Variants in TBATA observed in about 807,000 individuals in gnomAD.
TBATA encodes protein TBATA.
A neutral mutation model predicts 38.7 loss-of-function variants in TBATA; 47 were observed. The ratio of observed to expected loss-of-function variants is 1.21; its 90% CI spans 0.96 to 1.55. The LOEUF (loss-of-function observed/expected upper bound fraction) is 1.55, where lower values mean the gene tolerates loss of function less well. TBATA is among the 40% of genes most tolerant of loss of function. The pLI, the probability that TBATA is intolerant of heterozygous loss-of-function variation, is 0.00. For missense variants in TBATA, 436 were observed against 435.6 expected (o/e 1.00, Z -0.01); for synonymous variants, 183 against 170.5 (o/e 1.07, Z -0.57).
chr10:70,785,064 G>T (rs1844707550), intron 1 of TBATA, among the ~76,000 whole-genome samples: 1 of 152,210 alleles, frequency 6.6e-6, no homozygotes. Context: ...AGGCTGACAG[G>T]GACTCTAGTA....
intron 7 of TBATA, among the ~76,000 whole-genome samples, chr10:70,776,083 C>A (rs1221872876): frequency 6.6e-6 from 1 of 152,166 alleles, no homozygotes; most frequent in Non-Finnish European, 1.5e-5. Context: ...AAGGTGGAAG[C>A]CCTGGAGTCC....
intron 7 of TBATA, chr10:70,776,422 G>C (rs1260958729): frequency 1.1e-5 from 5 of 456,128 alleles, no homozygotes; most frequent in Non-Finnish European, 2.2e-5. Context: ...TGGCTATGCT[G>C]CTCCGTCTCA....
At chr10:70,772,019 AC>A (rs1402913295) in intron 10 of TBATA, among the ~76,000 whole-genome samples, 1 of 151,760 alleles carries the variant, frequency 6.6e-6, no homozygotes, top group Non-Finnish European at 1.5e-5. Flanking sequence ...ACTGTCCCCC[AC>A]CCAGAAGGCC....
chr10:70,780,660 A>C (rs536299324), intron 4 of TBATA, among the ~76,000 whole-genome samples: 9 of 152,116 alleles, frequency 5.9e-5, no homozygotes, highest in African/African-American at 2.2e-4. Flanking sequence ...TCTAGAAAGC[A>C]TCTCGCATCA....
intron 5 of TBATA, 47 bp downstream of exon 5, chr10:70,779,546 A>G: frequency 7.0e-7 from 1 of 1,438,374 alleles, no homozygotes; most frequent in Non-Finnish European, 9.1e-7. Context: ...AGCCTTGGGG[A>G]GAGGCATGAG....
At chr10:70,782,681 C>T (rs1328031847) in intron 3 of TBATA, 2 of 982,502 alleles carry the variant, frequency 2.0e-6, no homozygotes, top group Non-Finnish European at 2.4e-6. Flanking sequence ...GGAGACAAGC[C>T]AGCTTGGGTC....
intron 4 of TBATA, among the ~76,000 whole-genome samples, chr10:70,780,367 T>C (rs1207997553): frequency 1.3e-5 from 2 of 152,026 alleles, no homozygotes; most frequent in Non-Finnish European, 2.9e-5. Context: ...AGGGCTGCTG[T>C]CTCCTCCCTG....
chr10:70,773,651 G>T (rs954553241), intron 9 of TBATA, among the ~76,000 whole-genome samples: 1 of 152,174 alleles, frequency 6.6e-6, no homozygotes. Context: ...CTGAGCCTCA[G>T]TTTTCCCATC....
chr10:70,775,958 CAGTT>C (rs1843337711), intron 7 of TBATA, among the ~76,000 whole-genome samples: 1 of 152,222 alleles, frequency 6.6e-6, no homozygotes, highest in African/African-American at 2.4e-5. Context: ...GTTCTCCAGT[CAGTT>C]AGCATCAGGA....
chr10:70,783,184 C>T (rs1318531651), intron 3 of TBATA, among the ~76,000 whole-genome samples, 155 bp downstream of exon 3: 3 of 152,204 alleles, frequency 2.0e-5, no homozygotes, highest in East Asian at 3.9e-4. Context: ...CCTGAGGACC[C>T]ATTGGGGGGT....
chr10:70,779,539 C>T (rs967088832), intron 5 of TBATA, 54 bp downstream of exon 5: 4 of 1,437,712 alleles, frequency 2.8e-6, no homozygotes, highest in Non-Finnish European at 3.6e-6. Context: ...GTGAGGCAGC[C>T]TTGGGGAGAG....
At chr10:70,782,433 C>T (rs1844352904) in intron 3 of TBATA, 1 of 1,296,094 alleles carries the variant, frequency 7.7e-7, no homozygotes, top group Non-Finnish European at 1.0e-6. Flanking sequence ...ACAGGGGCCT[C>T]TCCCCAAGCC....
chr10:70,782,879 G>A (rs1033504811), intron 3 of TBATA, among the ~76,000 whole-genome samples: 2 of 152,222 alleles, frequency 1.3e-5, no homozygotes, highest in African/African-American at 2.4e-5. Flanking sequence ...GAGTACAGAT[G>A]GACTCTGGAT....
At chr10:70,782,874 C>T (rs1476966771) in intron 3 of TBATA, among the ~76,000 whole-genome samples, 2 of 152,222 alleles carry the variant, frequency 1.3e-5, no homozygotes, top group Non-Finnish European at 2.9e-5. Flanking sequence ...TTTTGGAGTA[C>T]AGATGGACTC....
In TBATA at chr10:70,783,398, C is replaced by A. The variant is rs369105931; in HGVS notation, c.-19G>T. ...TAGCCATTGTATGCTTTTTAACAGACTAAAGGCCAGTGCACTTAATACTAG... is the reference window on the plus strand; with the variant it reads ...TAGCCATTGTATGCTTTTTAACAGAATAAAGGCCAGTGCACTTAATACTAG... On this transcript the variant is annotated 5_prime_UTR_variant, in exon 3 of 11. Transcript: ENST00000456372. 16 of 1,613,902 alleles carry A rather than the reference C, an allele frequency of 9.9e-6. No individual in the cohort carries two copies. Among genetic ancestry groups the A allele is most frequent in the Middle Eastern group, 1.6e-4 (1 of 6,084 alleles).
intron 10 of TBATA, chr10:70,772,208 C>T (rs1025613524): frequency 2.1e-5 from 12 of 574,174 alleles, no homozygotes; most frequent in Admixed American, 4.4e-5. Context: ...ATTCTCCTTA[C>T]AGTATCTGTC....
Position 70,771,308 on chromosome 10 carries a change from G to A in TBATA, c.*68C>T, listed in dbSNP as rs2132785398. ...AATCAGGTACTGCTGTGAAGGTGGTGGAGACAGAAACACCCCTGAACCCTT... is the reference window on the plus strand; with the variant it reads ...AATCAGGTACTGCTGTGAAGGTGGTAGAGACAGAAACACCCCTGAACCCTT... On this transcript the variant is annotated 3_prime_UTR_variant, in exon 11 of 11. Coordinates refer to ENST00000456372, the MANE Select transcript of TBATA (RefSeq NM_001318241.2). 1.2e-6 allele frequency: 2 copies of A among 1,613,638 alleles called. No homozygotes were observed. Among genetic ancestry groups the A allele is most frequent in the African/African-American group, 2.7e-5 (2 of 75,016 alleles).
chr10:70,780,036 C>T (rs374611890), intron 4 of TBATA, among the ~76,000 whole-genome samples: 2 of 152,296 alleles, frequency 1.3e-5, no homozygotes, highest in African/African-American at 4.8e-5. Context: ...GGGGATCTTC[C>T]GATTTCCTGT....
Position 70,779,684 on chromosome 10 carries a change from T to G in TBATA, c.336A>C (p.Ser112=). ...CCATTTGACAGCCGGAAAAGACAGT[T>G]GACTCAGGCAAGGGGGCTGGAAAAT... ...VRDFPAPLPE[S]TVFSGCQMGI... is the part of the protein sequence containing the mutation. The change falls in exon 5 of 11, where the codon TCA becomes TCC. Residue 112 remains serine (S), a synonymous_variant. Transcript: ENST00000456372. 1 of 1,538,790 alleles carries G rather than the reference T, an allele frequency of 6.5e-7. No homozygotes were observed. The highest frequency in any genetic ancestry group is 2.3e-5 in the Admixed American group (1 of 42,770).
Sources: gnomAD v4.1 joint callset for allele counts (sites outside exome capture counted in the v4.1 genomes callset) on GRCh38, gnomAD v4.1.1 for gene constraint, MANE v1.5 for transcripts, NCBI Gene and HGNC (gene_info 2026-07-23, HGNC 2026-07-21) for gene names.